ARHGAP8: variants seen among roughly 807,000 people sequenced by gnomAD.
ARHGAP8 encodes the protein Rho GTPase activating protein 8.
In ARHGAP8, 62 loss-of-function variants were observed where a neutral mutation model predicts 46.1. That is an observed-to-expected ratio of 1.34 (90% CI 1.10 to 1.66). The LOEUF is 1.66. ARHGAP8 is among the 40% of genes most tolerant of loss of function. The probability of loss-of-function intolerance (pLI) is 0.00; values close to 1 mark genes in which losing one functional copy is unlikely to be tolerated. For missense variants in ARHGAP8, 923 were observed against 568.4 expected (o/e 1.62, Z -6.34); for synonymous variants, 375 against 243.1 (o/e 1.54, Z -5.05).
intron 7 of ARHGAP8, among the ~76,000 whole-genome samples, chr22:44,835,751 G>GC (rs1185187318): frequency 2.0e-5 from 3 of 152,232 alleles, no homozygotes; most frequent in Admixed American, 6.5e-5. Flanking sequence ...TTATTAGCAA[G>GC]CAGGACCATG....
At position 44,808,366 on chromosome 22, in the gene ARHGAP8, A is replaced by G. The variant is rs1218124404; in HGVS notation, c.227A>G (p.His76Arg). 2 of 1,614,148 alleles carry G rather than the reference A, an allele frequency of 1.2e-6. No individual in the cohort carries two copies. Among genetic ancestry groups the G allele is most frequent in the Middle Eastern group, 1.6e-4 (1 of 6,084 alleles). Residue 76 changes from histidine (H) to arginine (R), a missense_variant, in exon 4 of 12, where the codon CAC (histidine) becomes CGC (arginine). Coordinates refer to ENST00000356099, the MANE Select transcript of ARHGAP8 (RefSeq NM_181335.3). ...VENDYTIVYF[H>R]YGLNSRNKPS... is the part of the protein sequence containing the mutation. The stretch of plus-strand genomic sequence containing the variant: ...AACGATTATACCATCGTCTATTTCC[A>G]CTACGGGCTGAACAGCCGGAACAAG...
chr22:44,786,882 T>C (rs1322863219), intron 2 of ARHGAP8, among the ~76,000 whole-genome samples: 2 of 151,870 alleles, frequency 1.3e-5, no homozygotes, highest in African/African-American at 4.8e-5. Flanking sequence ...CCGAGCATGG[T>C]GTTGCATGCC....
At chr22:44,849,819 A>T (rs1445652230) in intron 10 of ARHGAP8, 1 of 152,120 alleles carries the variant, frequency 6.6e-6, no homozygotes, top group East Asian at 1.9e-4. Flanking sequence ...CAATGTTTCT[A>T]CCCCACTGTG....
chr22:44,762,539 C>G (rs35573979), intron 1 of ARHGAP8, among the ~76,000 whole-genome samples: 17,757 of 138,996 alleles, frequency 0.13, 1,576 homozygotes, highest in South Asian at 0.35. Flanking sequence ...AACTCTCTCT[C>G]TCTCTTTTTT....
chr22:44,857,108 T>C (rs2070247826), intron 10 of ARHGAP8, among the ~76,000 whole-genome samples: 1 of 143,442 alleles, frequency 7.0e-6, no homozygotes, highest in African/African-American at 2.8e-5. Flanking sequence ...ACCCGGCTAA[T>C]TTTGTATTTT....
chr22:44,816,370 T>C (rs1320387966), intron 5 of ARHGAP8, among the ~76,000 whole-genome samples: 1 of 152,118 alleles, frequency 6.6e-6, no homozygotes, highest in Admixed American at 6.5e-5. Flanking sequence ...CAGCTCAGGC[T>C]CTCAGGCACC....
rs141470564 is a variant in ARHGAP8, at chr22:44,846,326, C to T, written c.670+984C>T. ...CTTTGGAGCAGGCCAGGTGGGTGGT[C>T]TTGGAAAAACCTGCTTTAGACAGGC... On this transcript the variant is annotated intron_variant, in intron 8 of 11. Coordinates refer to ENST00000356099, the MANE Select transcript of ARHGAP8 (RefSeq NM_181335.3). Among the ~76,000 whole-genome samples, 453 of 152,352 alleles carry T rather than the reference C, an allele frequency of 3.0e-3. 1 individual carries two copies. The highest frequency in any genetic ancestry group is 0.01 in the African/African-American group (431 of 41,572).
intron 9 of ARHGAP8, among the ~76,000 whole-genome samples, chr22:44,848,291 C>T (rs1048408935): frequency 6.6e-6 from 1 of 152,204 alleles, no homozygotes; most frequent in East Asian, 1.9e-4. Flanking sequence ...GCCATTTTGC[C>T]TTTAGGGTCT....
intron 1 of ARHGAP8, among the ~76,000 whole-genome samples, chr22:44,760,702 A>G (rs751189987): frequency 6.6e-6 from 1 of 152,224 alleles, no homozygotes; most frequent in South Asian, 2.1e-4. Context: ...GTGCAAATAT[A>G]TTTTTACAGC....
chr22:44,860,473 A>C (rs991655481), intron 11 of ARHGAP8, among the ~76,000 whole-genome samples: 2 of 151,536 alleles, frequency 1.3e-5, no homozygotes, highest in African/African-American at 4.9e-5. Context: ...TTCCCTCCTA[A>C]GTGTGGACCC....
chr22:44,763,358 G>A (rs1021271003), intron 1 of ARHGAP8, among the ~76,000 whole-genome samples: 4 of 151,696 alleles, frequency 2.6e-5, no homozygotes, highest in South Asian at 2.1e-4. Context: ...TCAGCCAGGC[G>A]TAGTGGTGCG....
intron 1 of ARHGAP8, among the ~76,000 whole-genome samples, chr22:44,784,398 G>C (rs1927063792): frequency 6.6e-6 from 1 of 152,158 alleles, no homozygotes; most frequent in African/African-American, 2.4e-5. Context: ...AGTGAGACTC[G>C]GTCTCAAACA....
intron 10 of ARHGAP8, chr22:44,849,495 A>G (rs114779873): frequency 1.4e-3 from 277 of 199,924 alleles, no homozygotes; most frequent in African/African-American, 6.0e-3. Context: ...CTGAGCAGCT[A>G]TAGTGTCTGA....
intron 7 of ARHGAP8, among the ~76,000 whole-genome samples, chr22:44,840,088 G>T (rs1931552829): frequency 6.6e-6 from 1 of 152,218 alleles, no homozygotes; most frequent in African/African-American, 2.4e-5. Flanking sequence ...CAGCAAAAAG[G>T]TTCCCGAGAT....
intron 2 of ARHGAP8, among the ~76,000 whole-genome samples, chr22:44,801,108 T>TG (rs571698131): frequency 7.8e-5 from 3 of 38,358 alleles, no homozygotes; most frequent in African/African-American, 3.7e-4. Context: ...TGTCCATGTG[T>TG]GGGGGCACCT....
intron 9 of ARHGAP8, among the ~76,000 whole-genome samples, chr22:44,848,532 A>C (rs1386187616): frequency 6.6e-6 from 1 of 152,256 alleles, no homozygotes; most frequent in African/African-American, 2.4e-5. Flanking sequence ...CGCTCCCGTC[A>C]TCAGTTGTGC....
At chr22:44,852,355 C>T (rs560081308) in intron 10 of ARHGAP8, among the ~76,000 whole-genome samples, 1 of 150,792 alleles carries the variant, frequency 6.6e-6, no homozygotes, top group Non-Finnish European at 1.5e-5. Context: ...ATAAGGCACC[C>T]TCTGGACATA....
At chr22:44,848,129 G>C (rs1005062303) in intron 9 of ARHGAP8, 79 bp downstream of exon 9, 1 of 1,556,970 alleles carries the variant, frequency 6.4e-7, no homozygotes, top group Admixed American at 1.8e-5. Flanking sequence ...AGCGGAGGCA[G>C]GGAAGCACCG....
At chr22:44,830,687 C>A (rs1445430384) in intron 7 of ARHGAP8, among the ~76,000 whole-genome samples, 1 of 152,012 alleles carries the variant, frequency 6.6e-6, no homozygotes. Context: ...CAGGTATGTG[C>A]CACCATGCCC....
Sources: allele counts gnomAD v4.1 joint callset (sites outside exome capture counted in the v4.1 genomes callset), GRCh38; gene constraint gnomAD v4.1.1; transcripts MANE v1.5; gene names NCBI Gene and HGNC (gene_info 2026-07-23, HGNC 2026-07-21).